Variants in UCK2 observed in about 807,000 individuals in gnomAD.
UCK2 encodes cytidine monophosphokinase 2.
A neutral mutation model predicts 30.8 loss-of-function variants in UCK2; 6 were observed. The observed-to-expected ratio is 0.19, with a 90% CI of 0.11 to 0.38. The LOEUF is 0.38. Ranked by LOEUF, UCK2 falls within the 10% of genes least tolerant of loss-of-function variation. The probability of loss-of-function intolerance (pLI) is 1.00; values close to 1 mark genes in which losing one functional copy is unlikely to be tolerated. For missense variants in UCK2, 210 were observed against 339.8 expected, an observed-to-expected ratio of 0.62 and a Z score of 3.00; for synonymous variants, 125 against 133.6, an observed-to-expected ratio of 0.94 and a Z score of 0.45.
chr1:165,830,960 T>C (rs1654032393), intron 1 of UCK2, among the ~76,000 whole-genome samples: 1 of 152,170 alleles, frequency 6.6e-6, no homozygotes, highest in Non-Finnish European at 1.5e-5. Flanking sequence ...AGACTTGTTC[T>C]CTACAAATAA....
At chr1:165,841,873 C>T (rs963829413) in intron 1 of UCK2, among the ~76,000 whole-genome samples, 5 of 152,156 alleles carry the variant, frequency 3.3e-5, no homozygotes, top group Non-Finnish European at 7.3e-5. Context: ...GTCAGTTATC[C>T]CTCTTGTGTC....
intron 1 of UCK2, among the ~76,000 whole-genome samples, chr1:165,857,662 C>T (rs777917915): frequency 6.6e-6 from 1 of 152,152 alleles, no homozygotes; most frequent in Non-Finnish European, 1.5e-5. Context: ...ACACCTGGTA[C>T]GTAGCAGGAG....
chr1:165,855,100 C>T (rs1219317290), intron 1 of UCK2, among the ~76,000 whole-genome samples: 1 of 152,196 alleles, frequency 6.6e-6, no homozygotes, highest in Non-Finnish European at 1.5e-5. Flanking sequence ...AGATGGTTAG[C>T]CAGCCTATGT....
chr1:165,856,613 A>C (rs529663978), intron 1 of UCK2, among the ~76,000 whole-genome samples: 43 of 152,286 alleles, frequency 2.8e-4, no homozygotes, highest in Middle Eastern at 6.8e-3. Flanking sequence ...TTATTAGGAA[A>C]AGAGATTTTG....
chr1:165,884,137 A>T (rs1361914429), intron 1 of UCK2, among the ~76,000 whole-genome samples: 2 of 145,918 alleles, frequency 1.4e-5, no homozygotes, highest in Non-Finnish European at 1.5e-5. Context: ...AGAGTAATTG[A>T]TGTGACCCAC....
chr1:165,859,670 A>C (rs1428666203), intron 1 of UCK2, among the ~76,000 whole-genome samples: 2 of 152,072 alleles, frequency 1.3e-5, no homozygotes, highest in Non-Finnish European at 2.9e-5. Flanking sequence ...AAAAAAACCC[A>C]CAAAAAATTA....
Position 165,905,846 on chromosome 1 carries a change from A to G in UCK2, c.598-75A>G, listed in dbSNP as rs1282827747. ...CTAGTATGAATGCTGCCCTTTCCCC[A>G]TATTCCCTTGGAGAGGGTCTCGGGC... On this transcript the variant is annotated intron_variant, in intron 5 of 6. Coordinates refer to ENST00000367879, the MANE Select transcript of UCK2 (RefSeq NM_012474.5). The G allele has an allele frequency of 3.6e-6, 5 of 1,393,110 alleles. 1 individual carries two copies. The highest frequency in any genetic ancestry group is 2.8e-5 in the African/African-American group (2 of 70,406). 86.3% of individuals were successfully genotyped at this position (1,393,110 alleles called of 1,614,324 possible). A position where few individuals can be genotyped will look rare whatever the true frequency, so the allele number is the denominator to read the frequency against.
intron 1 of UCK2, among the ~76,000 whole-genome samples, chr1:165,860,479 A>G (rs1424565078): frequency 6.6e-6 from 1 of 151,532 alleles, no homozygotes; most frequent in African/African-American, 2.4e-5. Flanking sequence ...GACGGGCCTC[A>G]CTCCAGTTGC....
chr1:165,831,543 T>G (rs1159641608), intron 1 of UCK2, among the ~76,000 whole-genome samples: 1 of 152,232 alleles, frequency 6.6e-6, no homozygotes, highest in Non-Finnish European at 1.5e-5. Context: ...TGTTCCTTGT[T>G]CTGTAACCTC....
chr1:165,886,726 G>A (rs926250039), intron 1 of UCK2, among the ~76,000 whole-genome samples: 1 of 152,202 alleles, frequency 6.6e-6, no homozygotes, highest in Admixed American at 6.5e-5. Flanking sequence ...TTAAGTAAGC[G>A]AAAGAGCATT....
At chr1:165,891,045 AT>A in intron 2 of UCK2, 180 bp from the exon 3 acceptor site, 1 of 582,990 alleles carries the variant, frequency 1.7e-6, no homozygotes. Context: ...TATACACCCT[AT>A]TTTGAGATAC....
chr1:165,890,126 C>T, intron 1 of UCK2, 78 bp from the exon 2 acceptor site: 1 of 1,530,606 alleles, frequency 6.5e-7, no homozygotes, highest in Non-Finnish European at 9.0e-7. Flanking sequence ...TGTGCATCAG[C>T]TTGGTTACTC....
rs1372089345 is a variant in UCK2, at chr1:165,827,891, C to T, written c.58C>T (p.Pro20Ser). Reference protein sequence around the residue: ...QNHQQPNGGEPFLIGVSGGTA... With the variant: ...QNHQQPNGGESFLIGVSGGTA... ...CCACCAGCAGCCCAACGGCGGCGAG[C>T]CCTTCCTTATAGGCGTCAGCGGGGG... Residue 20 changes from proline to serine, a missense_variant, in exon 1 of 7, where the codon CCC becomes TCC. Physicochemically the swap from Pro to Ser is moderately conservative, Grantham distance 74. Coordinates refer to ENST00000367879, the MANE Select transcript of UCK2 (RefSeq NM_012474.5). 2.7e-6 allele frequency: 4 copies of T among 1,477,552 alleles called. No homozygotes were observed. The highest frequency in any genetic ancestry group is 1.8e-4 in the Middle Eastern group (1 of 5,582). The allele number at this position is 1,477,552 out of a possible 1,614,324, so 91.5% of individuals were successfully genotyped here.
chr1:165,857,720 G>A (rs1041496918), intron 1 of UCK2, among the ~76,000 whole-genome samples: 1 of 152,218 alleles, frequency 6.6e-6, no homozygotes, highest in Non-Finnish European at 1.5e-5. Context: ...TGTGTGCGAA[G>A]CGAAGCATTT....
At chr1:165,846,187 A>G (rs1242143996) in intron 1 of UCK2, among the ~76,000 whole-genome samples, 1 of 152,170 alleles carries the variant, frequency 6.6e-6, no homozygotes, top group East Asian at 1.9e-4. Context: ...TGGCCTAGCT[A>G]GCTACTCTAG....
In UCK2 at chr1:165,885,040, G is replaced by T. The variant is rs146596360; in HGVS notation, c.100-5164G>T. ...ACTTGCCTGCCTTTAGTTCTATGAAGTTCAACATAAATGTTGACTTTAGTG... is the reference window on the plus strand; with the variant it reads ...ACTTGCCTGCCTTTAGTTCTATGAATTTCAACATAAATGTTGACTTTAGTG... On this transcript the variant is annotated intron_variant, in intron 1 of 6. Coordinates refer to ENST00000367879, the MANE Select transcript of UCK2 (RefSeq NM_012474.5). The T allele has an allele frequency of 2.0e-3, 461 of 235,554 alleles. 3 individuals are homozygous for T. The highest frequency in any genetic ancestry group is 9.7e-3 in the African/African-American group (435 of 45,046). 14.6% of individuals were successfully genotyped at this position (235,554 alleles called of 1,614,324 possible).
At chr1:165,905,065 C>T (rs1251193847) in intron 5 of UCK2, among the ~76,000 whole-genome samples, 5 of 152,158 alleles carry the variant, frequency 3.3e-5, no homozygotes, top group African/African-American at 1.2e-4. Flanking sequence ...GTGAACCAGT[C>T]CCCTGGAAAG....
chr1:165,831,732 C>T (rs1654052401), intron 1 of UCK2, among the ~76,000 whole-genome samples: 1 of 152,142 alleles, frequency 6.6e-6, no homozygotes, highest in South Asian at 2.1e-4. Flanking sequence ...ATCCCCTTGG[C>T]CCCTAATATG....
rs534757116 is a variant in UCK2 at position 165,833,877 on chromosome 1, C to T, written c.99+5945C>T. Among the ~76,000 whole-genome samples, 4 of 152,004 alleles carry T rather than the reference C, an allele frequency of 2.6e-5. No individual in the cohort carries two copies. In the South Asian group the frequency reaches 8.3e-4, roughly 32 times the overall value. ...CCATTAAACCATTTCAGTCATTAAGCTGATTTGTCATGAAAGCATTCGATC... is the reference window on the plus strand; with the variant it reads ...CCATTAAACCATTTCAGTCATTAAGTTGATTTGTCATGAAAGCATTCGATC... On this transcript the variant is annotated intron_variant, in intron 1 of 6. Transcript: ENST00000367879.
Sources: gnomAD v4.1 joint callset for allele counts (sites outside exome capture counted in the v4.1 genomes callset) on GRCh38, gnomAD v4.1.1 for gene constraint, MANE v1.5 for transcripts, NCBI Gene and HGNC (gene_info 2026-07-23, HGNC 2026-07-21) for gene names.